Variants in PHF20 observed in about 807,000 individuals in gnomAD.
PHF20 encodes the protein PHD finger protein 20.
Under a neutral mutation model 113.5 loss-of-function variants are expected in PHF20, and 23 were observed. The ratio of observed to expected loss-of-function variants is 0.20; its 90% CI spans 0.15 to 0.29. The LOEUF (loss-of-function observed/expected upper bound fraction) is 0.29, where lower values mean the gene tolerates loss of function less well. Among genes scored for constraint, PHF20 ranks in the 10% least tolerant of loss-of-function variants. The pLI is 1.00. For synonymous variants in PHF20, 434 were observed against 457.3 expected, an observed-to-expected ratio of 0.95 and a Z score of 0.65; for missense variants, 943 against 1,219.6, an observed-to-expected ratio of 0.77 and a Z score of 3.38.
intron 1 of PHF20, among the ~76,000 whole-genome samples, chr20:35,780,715 CT>C (rs1399402974): frequency 6.8e-6 from 1 of 147,298 alleles, no homozygotes; most frequent in African/African-American, 2.5e-5. Context: ...CCCGGCTAAT[CT>C]TTTATATTTT....
chr20:35,818,828 C>T (rs1206417405), intron 2 of PHF20, among the ~76,000 whole-genome samples: 1 of 152,050 alleles, frequency 6.6e-6, no homozygotes, highest in East Asian at 1.9e-4. Flanking sequence ...TGAGCCACTG[C>T]ACCTGGCCTA....
chr20:35,935,523 C>T (rs2055847974), intron 15 of PHF20, among the ~76,000 whole-genome samples: 1 of 152,192 alleles, frequency 6.6e-6, no homozygotes. Flanking sequence ...TGTACCACCG[C>T]ACCTGGCTAG....
chr20:35,926,490 C>T (rs1189660719), intron 13 of PHF20, among the ~76,000 whole-genome samples: 2 of 152,042 alleles, frequency 1.3e-5, no homozygotes, highest in Admixed American at 6.5e-5. Flanking sequence ...CCGCCCGCCT[C>T]GGCCTCCCAA....
chr20:35,838,149 A>G (rs966420000), intron 2 of PHF20, among the ~76,000 whole-genome samples: 4 of 152,186 alleles, frequency 2.6e-5, no homozygotes, highest in East Asian at 1.9e-4. Flanking sequence ...ACTTGATTCT[A>G]TGAATCCTGA....
chr20:35,856,079 A>G (rs1875815995), intron 4 of PHF20, among the ~76,000 whole-genome samples: 1 of 151,868 alleles, frequency 6.6e-6, no homozygotes, highest in African/African-American at 2.4e-5. Context: ...TGTACCCCTT[A>G]ACCATCGACA....
chr20:35,944,357 G>A (rs1017889778), intron 17 of PHF20, among the ~76,000 whole-genome samples: 1 of 152,138 alleles, frequency 6.6e-6, no homozygotes, highest in East Asian at 1.9e-4. Context: ...CAGTCTGAGC[G>A]TTGGTGCGCT....
At chr20:35,873,967 A>T (rs1042635182) in intron 9 of PHF20, among the ~76,000 whole-genome samples, 18 of 152,108 alleles carry the variant, frequency 1.2e-4, no homozygotes, top group Non-Finnish European at 2.4e-4. Flanking sequence ...TTTTTAAAAA[A>T]TTTTTTATTT....
At chr20:35,781,868 G>A (rs546399960) in intron 1 of PHF20, among the ~76,000 whole-genome samples, 3 of 152,158 alleles carry the variant, frequency 2.0e-5, no homozygotes, top group South Asian at 2.1e-4. Context: ...CTGTTTGAAC[G>A]CGGGGGCGGG....
In PHF20 at chr20:35,830,203, C is replaced by G. The variant is rs181095054; in HGVS notation, c.84-12370C>G. ...TGCTGGGATTACAGGTGTGAGCCAC[C>G]GTGCCCGGCCTGATTTTTTCATCTC... On this transcript the variant is annotated intron_variant, in intron 2 of 17. Coordinates refer to ENST00000374012, the MANE Select transcript of PHF20 (RefSeq NM_016436.5). Among the ~76,000 whole-genome samples the G allele has an allele frequency of 9.7e-4, 147 of 152,306 alleles. 1 individual carries two copies. The highest frequency in any genetic ancestry group is 1.4e-3 in the Non-Finnish European group (93 of 68,022).
intron 9 of PHF20, among the ~76,000 whole-genome samples, chr20:35,898,517 C>G (rs1263369091): frequency 6.6e-6 from 1 of 152,178 alleles, no homozygotes; most frequent in Non-Finnish European, 1.5e-5. Flanking sequence ...CTCACTGCAA[C>G]TTCTGCCTTC....
At chr20:35,912,889 A>G (rs1317026919) in intron 10 of PHF20, among the ~76,000 whole-genome samples, 1 of 152,198 alleles carries the variant, frequency 6.6e-6, no homozygotes, top group Non-Finnish European at 1.5e-5. Context: ...CAGTGATCTA[A>G]GTAGAGTTTT....
At chr20:35,850,312 T>TTTTTTTG (rs1568650660) in intron 4 of PHF20, among the ~76,000 whole-genome samples, 7 of 122,150 alleles carry the variant, frequency 5.7e-5, no homozygotes, top group African/African-American at 2.0e-4. Flanking sequence ...TTTTTTTTTT[T>TTTTTTTG]TTTTTTTTTT....
chr20:35,940,891 C>A lies in PHF20; in HGVS notation c.2740C>A (p.Leu914Ile), dbSNP rs77536106. 8.8e-5 allele frequency: 142 copies of A among 1,613,882 alleles called. No homozygotes were observed. In the East Asian group the frequency reaches 2.6e-3, roughly 30 times the overall value. The change falls in exon 17 of 18, where the codon CTA (leucine) becomes ATA (isoleucine). Residue 914 changes from leucine (L) to isoleucine (I), a missense_variant. Around this residue, in one of 3 missense-constraint regions of PHF20, gnomAD observed 349 missense variants for 412.3 expected, o/e 0.85. Coordinates refer to ENST00000374012, the MANE Select transcript of PHF20 (RefSeq NM_016436.5). ...GAAGGAATATGTCTCCAAAAAGGCCCTACCAGAAGAAGCCCCTGCTCGGAA... is the reference window on the plus strand; with the variant it reads ...GAAGGAATATGTCTCCAAAAAGGCCATACCAGAAGAAGCCCCTGCTCGGAA... The part of the protein sequence containing the change: ...KVKEYVSKKA[L>I]PEEAPARKLL...
chr20:35,942,027 T>A (rs1412880393), intron 17 of PHF20, among the ~76,000 whole-genome samples: 1 of 151,890 alleles, frequency 6.6e-6, no homozygotes, highest in Non-Finnish European at 1.5e-5. Context: ...AGGCTGGGTG[T>A]GGTGGCTCAC....
At chr20:35,814,807 A>C (rs1346215758) in intron 2 of PHF20, among the ~76,000 whole-genome samples, 2 of 137,014 alleles carry the variant, frequency 1.5e-5, no homozygotes, top group Non-Finnish European at 3.1e-5. Context: ...CGGGAGGCGG[A>C]GCTTGCAATG....
chr20:35,925,622 ACT>A (rs977862363), intron 13 of PHF20, among the ~76,000 whole-genome samples: 4 of 151,356 alleles, frequency 2.6e-5, no homozygotes, highest in African/African-American at 9.7e-5. Context: ...CCATATGTTA[ACT>A]CTTGCTGTCC....
rs756651248 is a variant in PHF20, at chr20:35,882,454, G to A, written c.1282+10625G>A. Among the ~76,000 whole-genome samples the A allele has an allele frequency of 1.1e-4, 17 of 152,312 alleles. 1 individual carries two copies. Among genetic ancestry groups the A allele is most frequent in the Non-Finnish European group, 1.8e-4 (12 of 68,032 alleles). Reference sequence around the variant, plus strand: ...TCATTCATTTATTTGTTTGAGAAGGGTTTTGCTCTGTCATCCAGGCTGGAG... The same window carrying A: ...TCATTCATTTATTTGTTTGAGAAGGATTTTGCTCTGTCATCCAGGCTGGAG... On this transcript the variant is annotated intron_variant, in intron 9 of 17. Coordinates refer to ENST00000374012, the MANE Select transcript of PHF20 (RefSeq NM_016436.5).
In PHF20 at chr20:35,869,543, A is replaced by G. The variant is rs1357394966; in HGVS notation, c.914A>G (p.Lys305Arg). ...EVPLKRPRLD[K>R]NSSQEKSKNY... ...CCATTAAAACGTCCTCGGCTTGACA[A>G]AAATTCATGTGAGTCTACAGTTTGT... The change falls in exon 7 of 18, where the codon AAA becomes AGA. Residue 305 changes from lysine (K) to arginine (R), a missense_variant. This residue lies in a region of PHF20 where 592 missense variants were observed against 787.2 expected (regional missense o/e 0.75). Coordinates refer to ENST00000374012, the MANE Select transcript of PHF20 (RefSeq NM_016436.5). 6.4e-7 allele frequency: 1 copy of G among 1,563,024 alleles called. No individual in the cohort carries two copies.
intron 1 of PHF20, among the ~76,000 whole-genome samples, chr20:35,786,109 C>T (rs556835534): frequency 3.3e-5 from 5 of 151,784 alleles, no homozygotes; most frequent in African/African-American, 1.2e-4. Flanking sequence ...GACTTCCCAG[C>T]TGGGCGTGGT....
Sources: allele counts gnomAD v4.1 joint callset (sites outside exome capture counted in the v4.1 genomes callset), GRCh38; gene constraint gnomAD v4.1.1; regional missense constraint gnomAD v4.1.1; transcripts MANE v1.5; gene names NCBI Gene and HGNC (gene_info 2026-07-23, HGNC 2026-07-21).